The following ACAP2 variants were observed in gnomAD, a reference collection of about 807,000 sequenced individuals.
ACAP2 encodes the protein ArfGAP with coiled-coil, ankyrin repeat and PH domains 2.
In ACAP2, 39 loss-of-function variants were observed where a neutral mutation model predicts 115.8. The ratio of observed to expected loss-of-function variants is 0.34; its 90% CI spans 0.26 to 0.44. The LOEUF (loss-of-function observed/expected upper bound fraction) is 0.44, where lower values mean the gene tolerates loss of function less well. ACAP2 is among the 20% of genes least tolerant of loss of function. The pLI, the probability that ACAP2 is intolerant of heterozygous loss-of-function variation, is 1.00. For synonymous variants in ACAP2, 289 were observed against 315.8 expected, an observed-to-expected ratio of 0.92 and a Z score of 0.90; for missense variants, 662 against 927.6, an observed-to-expected ratio of 0.71 and a Z score of 3.72.
At position 195,353,224 on chromosome 3, in the gene ACAP2, C is replaced by G. The variant is rs112344209; in HGVS notation, c.286-7907G>C. Among the ~76,000 whole-genome samples the G allele has an allele frequency of 5.6e-4, 86 of 152,268 alleles. 1 individual carries two copies. Among genetic ancestry groups the G allele is most frequent in the African/African-American group, 2.0e-3 (82 of 41,544 alleles). ...GGATCCTTGGTCAGAGGACCAGAGACTGAGGCAATCTCATGAAATTCCTGA... is the reference window on the plus strand; with the variant it reads ...GGATCCTTGGTCAGAGGACCAGAGAGTGAGGCAATCTCATGAAATTCCTGA... On this transcript the variant is annotated intron_variant, in intron 4 of 22. Coordinates refer to ENST00000326793, the MANE Select transcript of ACAP2 (RefSeq NM_012287.6).
intron 10 of ACAP2, among the ~76,000 whole-genome samples, chr3:195,311,233 G>A (rs2108999802): frequency 6.6e-6 from 1 of 151,742 alleles, no homozygotes; most frequent in East Asian, 1.9e-4. Flanking sequence ...AGTGGCTGGG[G>A]TTACAGACAC....
At chr3:195,346,112 C>G (rs933618944) in intron 4 of ACAP2, among the ~76,000 whole-genome samples, 17 of 152,154 alleles carry the variant, frequency 1.1e-4, no homozygotes, top group African/African-American at 3.1e-4. Flanking sequence ...CTTCTGTTTT[C>G]TCCTGAATAC....
chr3:195,295,948 C>G, intron 16 of ACAP2, 56 bp from the exon 17 acceptor site: 1 of 1,405,224 alleles, frequency 7.1e-7, no homozygotes, highest in East Asian at 2.3e-5. Flanking sequence ...ATGGCTAATA[C>G]CACAACAAGC....
chr3:195,372,556 C>T (rs1049697079), intron 4 of ACAP2, among the ~76,000 whole-genome samples: 3 of 152,004 alleles, frequency 2.0e-5, no homozygotes, highest in East Asian at 1.9e-4. Context: ...CACAATAGCC[C>T]GCACCTTGTA....
At chr3:195,348,236 T>A (rs1403818685) in intron 4 of ACAP2, among the ~76,000 whole-genome samples, 4 of 152,018 alleles carry the variant, frequency 2.6e-5, no homozygotes, top group Admixed American at 1.3e-4. Context: ...ATGTCAACTG[T>A]AAAGCTGTTT....
intron 4 of ACAP2, among the ~76,000 whole-genome samples, chr3:195,376,858 T>C (rs1263172192): frequency 6.6e-6 from 1 of 152,242 alleles, no homozygotes; most frequent in African/African-American, 2.4e-5. Flanking sequence ...CCAACTGTTA[T>C]GAGCTCTGCT....
chr3:195,291,629 C>A (rs1409227682), intron 20 of ACAP2, 77 bp downstream of exon 20: 2 of 1,247,244 alleles, frequency 1.6e-6, no homozygotes, highest in Non-Finnish European at 2.2e-6. Context: ...AAAACTTTAA[C>A]CTAAGAAAAA....
chr3:195,308,127 TA>T (rs1728535937), intron 11 of ACAP2, among the ~76,000 whole-genome samples: 1 of 152,130 alleles, frequency 6.6e-6, no homozygotes, highest in Non-Finnish European at 1.5e-5. Context: ...AACAAACATA[TA>T]AAACGATATT....
At chr3:195,404,076 C>A (rs1712536577) in intron 1 of ACAP2, among the ~76,000 whole-genome samples, 1 of 152,152 alleles carries the variant, frequency 6.6e-6, no homozygotes, top group African/African-American at 2.4e-5. Context: ...CACGGTGGCT[C>A]ATTCCTATAA....
At chr3:195,417,738 AGG>A (rs1713855827) in intron 1 of ACAP2, among the ~76,000 whole-genome samples, 1 of 152,170 alleles carries the variant, frequency 6.6e-6, no homozygotes, top group African/African-American at 2.4e-5. Flanking sequence ...ACCTGAGCCC[AGG>A]AGTTCAAGGC....
chr3:195,412,226 A>T (rs1346971201), intron 1 of ACAP2, among the ~76,000 whole-genome samples: 1 of 151,202 alleles, frequency 6.6e-6, no homozygotes, highest in Admixed American at 6.6e-5. Context: ...TGCAAAAAAT[A>T]AATAAAGAAG....
intron 4 of ACAP2, among the ~76,000 whole-genome samples, chr3:195,365,118 G>A (rs144770350): frequency 2.2e-3 from 331 of 152,318 alleles, no homozygotes; most frequent in Non-Finnish European, 3.1e-3. Context: ...GGTTAGCAGA[G>A]GCTGGGAAGG....
chr3:195,297,587 C>T (rs1258465118), intron 15 of ACAP2, among the ~76,000 whole-genome samples: 1 of 152,188 alleles, frequency 6.6e-6, no homozygotes, highest in African/African-American at 2.4e-5. Context: ...TTGTATCTAT[C>T]TCTATGTCCA....
At chr3:195,291,957 CA>C in intron 19 of ACAP2, 142 bp from the exon 20 acceptor site, 1 of 681,714 alleles carries the variant, frequency 1.5e-6, no homozygotes, top group South Asian at 2.5e-5. Context: ...ATCCCTCAGC[CA>C]AGGCAGAGAA....
chr3:195,368,102 T>C (rs150869111), intron 4 of ACAP2, among the ~76,000 whole-genome samples: 1,949 of 152,316 alleles, frequency 0.013, 32 homozygotes, highest in African/African-American at 0.043. Flanking sequence ...ACTGCTAAAA[T>C]TACATTTTGG....
chr3:195,289,636 T>TA (rs565931285), intron 20 of ACAP2, among the ~76,000 whole-genome samples: 3,359 of 149,508 alleles, frequency 0.022, 103 homozygotes, highest in East Asian at 0.1. Context: ...CCGTCTCTAC[T>TA]AAAATTAAAA....
chr3:195,427,661 G>A (rs1022433381), intron 1 of ACAP2, among the ~76,000 whole-genome samples: 9 of 152,094 alleles, frequency 5.9e-5, no homozygotes, highest in African/African-American at 2.2e-4. Context: ...TGTAATCCTA[G>A]CACTTTGAGA....
intron 8 of ACAP2, among the ~76,000 whole-genome samples, chr3:195,332,708 G>A (rs1468099720): frequency 1.3e-5 from 2 of 152,188 alleles, no homozygotes; most frequent in Non-Finnish European, 2.9e-5. Context: ...ACTCGTGATA[G>A]TGAGTGAGCT....
intron 4 of ACAP2, among the ~76,000 whole-genome samples, chr3:195,379,128 C>G (rs1236738656): frequency 1.3e-5 from 2 of 151,958 alleles, no homozygotes; most frequent in Non-Finnish European, 2.9e-5. Context: ...CATCTAAATT[C>G]AACAGAAGGC....
Sources: allele counts gnomAD v4.1 joint callset (sites outside exome capture counted in the v4.1 genomes callset), GRCh38; gene constraint gnomAD v4.1.1; transcripts MANE v1.5; gene names NCBI Gene and HGNC (gene_info 2026-07-23, HGNC 2026-07-21).